The following NAV2 variants were observed in gnomAD, a reference collection of about 807,000 sequenced individuals.
NAV2 encodes the protein neuron navigator 2, also known as helicase, APC down-regulated 1.
NAV2 carries 54 observed loss-of-function variants against 223.2 expected under a neutral mutation model. The observed-to-expected ratio is 0.24, with a 90% confidence interval of 0.19 to 0.30. The LOEUF (loss-of-function observed/expected upper bound fraction) is 0.30, where lower values mean the gene tolerates loss of function less well. Among genes scored for constraint, NAV2 ranks in the 10% least tolerant of loss-of-function variants. The pLI is 1.00. For synonymous variants in NAV2, 1,279 were observed against 1,239.3 expected, an observed-to-expected ratio of 1.03 and a Z score of -0.67; for missense variants, 2,806 against 3,147.5, an observed-to-expected ratio of 0.89 and a Z score of 2.60.
chr11:19,514,294 C>T (rs1218256885), intron 1 of NAV2, among the ~76,000 whole-genome samples: 2 of 152,020 alleles, frequency 1.3e-5, no homozygotes, highest in Non-Finnish European at 2.9e-5. Flanking sequence ...AGACTGTTGT[C>T]CTCAGTACTA....
Position 19,807,742 on chromosome 11 carries a change from G to A in NAV2, c.268-24742G>A, listed in dbSNP as rs73435617. 7.6e-3 allele frequency among the ~76,000 whole-genome samples: 1,156 copies of A among 152,318 alleles called. 14 individuals carry two copies. Among genetic ancestry groups the A allele is most frequent in the African/African-American group, 0.026 (1,098 of 41,552 alleles). On this transcript the variant is annotated intron_variant, in intron 1 of 37. Transcript: ENST00000349880. Reference sequence around the variant, plus strand: ...AGGTTTGATTGGGTGAGCAAAGGATGTGCTCATAGCAGTGTTCTCCAATGA... The same window carrying A: ...AGGTTTGATTGGGTGAGCAAAGGATATGCTCATAGCAGTGTTCTCCAATGA...
chr11:19,677,718 G>A (rs1183279123), intron 1 of NAV2, among the ~76,000 whole-genome samples: 1 of 152,246 alleles, frequency 6.6e-6, no homozygotes, highest in Non-Finnish European at 1.5e-5. Flanking sequence ...ACAGAGGCCA[G>A]CAAACTATGG....
At chr11:20,007,192 A>G (rs1418205698) in intron 11 of NAV2, among the ~76,000 whole-genome samples, 2 of 151,844 alleles carry the variant, frequency 1.3e-5, no homozygotes, top group Non-Finnish European at 2.9e-5. Flanking sequence ...TCTGGACTCC[A>G]CGGCTTTGGC....
intron 1 of NAV2, among the ~76,000 whole-genome samples, chr11:19,355,121 C>T (rs1404217189): frequency 1.3e-5 from 2 of 152,188 alleles, no homozygotes; most frequent in Non-Finnish European, 2.9e-5. Flanking sequence ...ATTTTCCTGA[C>T]AGACACCTAT....
At position 20,051,254 on chromosome 11, in the gene NAV2, C is replaced by T. The variant is rs769066702; in HGVS notation, c.4437-35C>T. The stretch of plus-strand genomic sequence containing the variant: ...CTCTCTCTGCCTTCTGTGTGCTGCT[C>T]TGAAGTTCTTATTTTTGTTTTAACT... On this transcript the variant is annotated intron_variant, in intron 16 of 37. Coordinates refer to ENST00000349880, the MANE Select transcript of NAV2 (RefSeq NM_145117.5). 6 of 1,603,104 alleles carry T rather than the reference C, an allele frequency of 3.7e-6. No individual in the cohort carries two copies. In the South Asian group the frequency reaches 6.6e-5, roughly 18 times the overall value.
intron 6 of NAV2, among the ~76,000 whole-genome samples, chr11:19,930,692 A>G (rs2045250344): frequency 1.3e-5 from 2 of 152,246 alleles, no homozygotes; most frequent in African/African-American, 4.8e-5. Context: ...AAGAATGAAT[A>G]GATACATATG....
At chr11:19,771,579 C>T (rs1033072476) in intron 1 of NAV2, among the ~76,000 whole-genome samples, 1 of 151,870 alleles carries the variant, frequency 6.6e-6, no homozygotes, top group African/African-American at 2.4e-5. Flanking sequence ...AAATTCTTGA[C>T]CCTCATCTGA....
At position 19,636,302 on chromosome 11, in the gene NAV2, A is replaced by G. The variant is rs139994862; in HGVS notation, c.76-196182A>G. On this transcript the variant is annotated intron_variant, in intron 1 of 37. Transcript: ENST00000360655. ...GGTAGAGAGAGATTTCCTTATCCCT[A>G]CAAAGCGGCTCTTGGTCTGTAGCTG... is the stretch of plus-strand genomic sequence containing the variant. 4.1e-4 allele frequency among the ~76,000 whole-genome samples: 63 copies of G among 152,244 alleles called. No individual in the cohort carries two copies. The East Asian group carries it at 8.3e-3, about 20-fold the overall frequency.
intron 1 of NAV2, among the ~76,000 whole-genome samples, chr11:19,553,793 G>A (rs984344526): frequency 2.6e-5 from 4 of 152,236 alleles, no homozygotes; most frequent in African/African-American, 9.6e-5. Flanking sequence ...CAGCTGCCAG[G>A]GCTCCAGGGA....
chr11:20,022,773 G>A (rs2054620886), intron 11 of NAV2: 4 of 1,137,794 alleles, frequency 3.5e-6, no homozygotes, highest in South Asian at 8.4e-5. Context: ...CACATGGAGG[G>A]CCCTTCCATT....
intron 1 of NAV2, among the ~76,000 whole-genome samples, chr11:19,447,624 C>A (rs1231787183): frequency 6.6e-6 from 1 of 152,212 alleles, no homozygotes; most frequent in Non-Finnish European, 1.5e-5. Context: ...TCTTACAACA[C>A]TATGACATAG....
chr11:19,883,624 T>C lies in NAV2; in HGVS notation c.770+3497T>C, dbSNP rs559727369. Among the ~76,000 whole-genome samples the C allele has an allele frequency of 5.9e-5, 9 of 152,362 alleles. 1 individual carries two copies. The South Asian group carries it at 1.9e-3, about 32-fold the overall frequency. The stretch of plus-strand genomic sequence containing the variant: ...TTATTTCTTACCTCAGATCCTTTCA[T>C]GAACATGGTACAGGATGTATGGATG... On this transcript the variant is annotated intron_variant, in intron 5 of 37. Coordinates refer to ENST00000349880, the MANE Select transcript of NAV2 (RefSeq NM_145117.5).
At chr11:19,909,063 T>C (rs965091525) in intron 6 of NAV2, among the ~76,000 whole-genome samples, 1 of 152,242 alleles carries the variant, frequency 6.6e-6, no homozygotes, top group Admixed American at 6.5e-5. Context: ...TTTCTGTTCA[T>C]GCCATATTCA....
At position 19,492,143 on chromosome 11, in the gene NAV2, C is replaced by T. The variant is rs544960716; in HGVS notation, c.75+141116C>T. On this transcript the variant is annotated intron_variant, in intron 1 of 37. Transcript: ENST00000360655. ...TGATCATTGGTCACCATAACAGATA[C>T]AATAATAATGAAAATGTTTGAAATA... 3.3e-5 allele frequency among the ~76,000 whole-genome samples: 5 copies of T among 152,108 alleles called. No individual in the cohort carries two copies. In the South Asian group the frequency reaches 8.3e-4, roughly 25 times the overall value.
rs925890732 is a variant in NAV2 at position 20,095,760 on chromosome 11, T to G, written c.6005T>G (p.Leu2002Arg). The G allele has an allele frequency of 1.9e-6, 3 of 1,613,240 alleles. No individual in the cohort carries two copies. The highest frequency in any genetic ancestry group is 2.5e-6 in the Non-Finnish European group (3 of 1,179,324). Reference protein sequence around the residue: ...WDVLDGVVRRLFKEYIIHVDP... With the variant: ...WDVLDGVVRRRFKEYIIHVDP... ...GTGCTCGATGGGGTGGTTAGACGGC[T>G]GTTCAAAGTAAGTGTTTCAAGACAA... Residue 2002 changes from leucine to arginine, a missense_variant, in exon 30 of 38, where the codon CTG (leucine) becomes CGG (arginine). This residue lies in a region of NAV2 where 824 missense variants were observed against 1,069.4 expected (regional missense o/e 0.77). Coordinates refer to ENST00000349880, the MANE Select transcript of NAV2 (RefSeq NM_145117.5).
rs751191265 is a variant in NAV2 at position 20,056,617 on chromosome 11, G to A, written c.4831+660G>A. On this transcript the variant is annotated intron_variant, in intron 19 of 37. Coordinates refer to ENST00000349880, the MANE Select transcript of NAV2 (RefSeq NM_145117.5). Reference sequence around the variant, plus strand: ...TCTCTTCCTTTGTTCCATCACGCAAGGTATGAGTTAGGTGAGTAAGCAGTC... The same window carrying A: ...TCTCTTCCTTTGTTCCATCACGCAAAGTATGAGTTAGGTGAGTAAGCAGTC... 6 of 1,612,522 alleles carry A rather than the reference G, an allele frequency of 3.7e-6. No homozygotes were observed. In the East Asian group the frequency reaches 8.9e-5, roughly 24 times the overall value.
At chr11:19,566,772 G>T (rs1280569561) in intron 1 of NAV2, among the ~76,000 whole-genome samples, 2 of 152,160 alleles carry the variant, frequency 1.3e-5, no homozygotes, top group Non-Finnish European at 2.9e-5. Flanking sequence ...ACTTACATAT[G>T]CTCTGTCCAG....
At chr11:19,441,827 T>C (rs985866063) in intron 1 of NAV2, among the ~76,000 whole-genome samples, 15 of 152,306 alleles carry the variant, frequency 9.8e-5, no homozygotes, top group Middle Eastern at 3.4e-3. Flanking sequence ...TCCACCCTTC[T>C]GTCAGCCGCT....
chr11:19,770,949 T>A (rs1461908276), intron 1 of NAV2, among the ~76,000 whole-genome samples: 1 of 152,324 alleles, frequency 6.6e-6, no homozygotes, highest in Non-Finnish European at 1.5e-5. Context: ...CCTGTATGCC[T>A]AGTATTTTTG....
Sources: allele counts gnomAD v4.1 joint callset (sites outside exome capture counted in the v4.1 genomes callset), GRCh38; gene constraint gnomAD v4.1.1; regional missense constraint gnomAD v4.1.1; transcripts MANE v1.5; gene names NCBI Gene and HGNC (gene_info 2026-07-23, HGNC 2026-07-21).